FMNL2: variants seen among roughly 807,000 people sequenced by gnomAD.
The protein encoded by FMNL2 is formin-like protein 2.
FMNL2 carries 51 observed loss-of-function variants against 130.2 expected under a neutral mutation model. That is an observed-to-expected ratio of 0.39 (90% CI 0.31 to 0.49). The LOEUF (loss-of-function observed/expected upper bound fraction) is 0.49, where lower values mean the gene tolerates loss of function less well. Ranked by LOEUF, FMNL2 falls within the 20% of genes least tolerant of loss-of-function variation. The pLI is 0.85. For synonymous variants in FMNL2, 465 were observed against 467.1 expected (o/e 1.00, Z 0.06); for missense variants, 977 against 1,316.2 (o/e 0.74, Z 3.99).
At chr2:152,606,158 A>G (rs951569021) in intron 9 of FMNL2, among the ~76,000 whole-genome samples, 1 of 152,234 alleles carries the variant, frequency 6.6e-6, no homozygotes, top group Non-Finnish European at 1.5e-5. Flanking sequence ...ATAACATTTT[A>G]GAAGAATTTT....
At chr2:152,556,721 C>T (rs1453793824) in intron 4 of FMNL2, among the ~76,000 whole-genome samples, 1 of 152,150 alleles carries the variant, frequency 6.6e-6, no homozygotes, top group African/African-American at 2.4e-5. Flanking sequence ...CAAGGGCAGG[C>T]ACTGAGTGCA....
At chr2:152,450,941 C>G (rs1688606444) in intron 1 of FMNL2, among the ~76,000 whole-genome samples, 1 of 152,254 alleles carries the variant, frequency 6.6e-6, no homozygotes, top group Non-Finnish European at 1.5e-5. Flanking sequence ...TGGCAGGTCG[C>G]TGGGTCTCCA....
In FMNL2 at chr2:152,581,013, T is replaced by G; in HGVS notation, c.840T>G (p.His280Gln). 4 of 1,613,916 alleles carry G rather than the reference T, an allele frequency of 2.5e-6. No individual in the cohort carries two copies. Among genetic ancestry groups the G allele is most frequent in the Non-Finnish European group, 3.4e-6 (4 of 1,179,850 alleles). Residue 280 changes from histidine (H) to glutamine (Q), a missense_variant, in exon 9 of 26, where the codon CAT becomes CAG. Coordinates refer to ENST00000288670, the MANE Select transcript of FMNL2 (RefSeq NM_052905.4). ...CCGTTTGTCTTGTCAGAGGCGGGCA[T>G]GAAATCATTTTATCAGCATTTGATA... ...LAAVCLVRGG[H>Q]EIILSAFDNF...
chr2:152,481,492 T>G (rs1025759941), intron 1 of FMNL2, among the ~76,000 whole-genome samples: 2 of 152,222 alleles, frequency 1.3e-5, no homozygotes, highest in African/African-American at 4.8e-5. Flanking sequence ...GTGGGGAGCT[T>G]TAAAAAATAG....
chr2:152,347,778 A>T (rs1253936009), intron 1 of FMNL2, among the ~76,000 whole-genome samples: 1 of 152,108 alleles, frequency 6.6e-6, no homozygotes, highest in African/African-American at 2.4e-5. Flanking sequence ...AATAGATAAA[A>T]TTTGAGGGGC....
intron 1 of FMNL2, among the ~76,000 whole-genome samples, chr2:152,338,834 C>CACACACACACACACACACACACACAT (rs1553862424): frequency 6.7e-6 from 1 of 150,200 alleles, no homozygotes; most frequent in African/African-American, 2.5e-5. Flanking sequence ...CACACACACA[C>CACACACACACACACACACACACACAT]ACACACACAC....
At chr2:152,528,764 T>C (rs1693534713) in intron 2 of FMNL2, among the ~76,000 whole-genome samples, 1 of 152,160 alleles carries the variant, frequency 6.6e-6, no homozygotes, top group Non-Finnish European at 1.5e-5. Context: ...ATGATTCACA[T>C]AGTAAGGTTT....
At chr2:152,376,266 G>A (rs550482668) in intron 1 of FMNL2, among the ~76,000 whole-genome samples, 1 of 152,282 alleles carries the variant, frequency 6.6e-6, no homozygotes, top group East Asian at 1.9e-4. Context: ...GTTGGTGGAC[G>A]TTTAAATTGC....
chr2:152,569,704 TAAAA>T (rs773973729), intron 6 of FMNL2, among the ~76,000 whole-genome samples: 1 of 126,386 alleles, frequency 7.9e-6, no homozygotes, highest in African/African-American at 2.9e-5. Context: ...AAAAGGAAGT[TAAAA>T]AAAAAAAAAA....
intron 1 of FMNL2, among the ~76,000 whole-genome samples, chr2:152,364,422 A>G (rs1318448987): frequency 3.3e-5 from 5 of 152,088 alleles, no homozygotes; most frequent in Non-Finnish European, 5.9e-5. Context: ...TGGCAGTTCT[A>G]TCTTAAGTCT....
chr2:152,595,508 G>A (rs1442558245), intron 9 of FMNL2, among the ~76,000 whole-genome samples: 1 of 152,074 alleles, frequency 6.6e-6, no homozygotes, highest in African/African-American at 2.4e-5. Flanking sequence ...TAGTAGAGAC[G>A]GGGTTTTGCC....
chr2:152,502,679 T>G (rs1472240235), intron 1 of FMNL2, among the ~76,000 whole-genome samples: 4 of 152,104 alleles, frequency 2.6e-5, no homozygotes, highest in Non-Finnish European at 5.9e-5. Flanking sequence ...AGAGCAAGAC[T>G]CCGACTCAAA....
At chr2:152,593,888 TGTGTGTGTGTGTGTGAGAGAGAGA>T (rs1441497158) in intron 9 of FMNL2, among the ~76,000 whole-genome samples, 36 of 111,432 alleles carry the variant, frequency 3.2e-4, no homozygotes, top group African/African-American at 1.1e-3. Flanking sequence ...TGTGTGTGTG[TGTGTGTGTGTGTGTGAGAGAGAGA>T]GAGAGAGAGA....
chr2:152,353,168 A>G (rs1215310011), intron 1 of FMNL2, among the ~76,000 whole-genome samples: 1 of 152,200 alleles, frequency 6.6e-6, no homozygotes, highest in African/African-American at 2.4e-5. Flanking sequence ...TCATACATAT[A>G]TGTGTTATGT....
intron 11 of FMNL2, among the ~76,000 whole-genome samples, chr2:152,612,683 T>G (rs1351779041): frequency 6.6e-6 from 1 of 152,214 alleles, no homozygotes; most frequent in East Asian, 1.9e-4. Flanking sequence ...TGGTGCAATC[T>G]TGGCTCACTG....
chr2:152,336,444 T>C (rs535623603), intron 1 of FMNL2, among the ~76,000 whole-genome samples: 1 of 152,274 alleles, frequency 6.6e-6, no homozygotes, highest in African/African-American at 2.4e-5. Context: ...TTGCGAGCTG[T>C]CCTGACTGCA....
At chr2:152,490,671 C>T (rs147527045) in intron 1 of FMNL2, among the ~76,000 whole-genome samples, 1 of 146,590 alleles carries the variant, frequency 6.8e-6, no homozygotes, top group African/African-American at 2.5e-5. Flanking sequence ...CAACTTGGGA[C>T]TCATGGTCAG....
chr2:152,463,013 T>C (rs1213229073), intron 1 of FMNL2, among the ~76,000 whole-genome samples: 1 of 152,230 alleles, frequency 6.6e-6, no homozygotes, highest in Non-Finnish European at 1.5e-5. Flanking sequence ...TAAGGGGCAC[T>C]GTGTTGGGTG....
At chr2:152,386,992 G>A (rs565111175) in intron 1 of FMNL2, among the ~76,000 whole-genome samples, 9 of 150,620 alleles carry the variant, frequency 6.0e-5, no homozygotes, top group South Asian at 2.1e-4. Context: ...CCTCCAAGAC[G>A]CTTGAGGAAT....
Sources: allele counts gnomAD v4.1 joint callset (sites outside exome capture counted in the v4.1 genomes callset), GRCh38; gene constraint gnomAD v4.1.1; transcripts MANE v1.5; gene names NCBI Gene and HGNC (gene_info 2026-07-23, HGNC 2026-07-21).